The following ACAN variants were observed in gnomAD, a reference collection of about 807,000 sequenced individuals.
The protein encoded by ACAN is aggrecan, also known as aggrecan core protein.
Under a neutral mutation model 169.1 loss-of-function variants are expected in ACAN, and 47 were observed. That is an observed-to-expected ratio of 0.28 (90% CI 0.22 to 0.35). The LOEUF is 0.35. Ranked by LOEUF, ACAN falls within the 10% of genes least tolerant of loss-of-function variation. ACAN has a pLI of 1.00. For missense variants in ACAN, 2,716 were observed against 2,759.9 expected, an observed-to-expected ratio of 0.98 and a Z score of 0.36; for synonymous variants, 1,115 against 1,112.2, an observed-to-expected ratio of 1.00 and a Z score of -0.05.
chr15:88,845,680 C>G lies in ACAN; in HGVS notation c.1227C>G (p.Pro409=). 1 of 1,614,048 alleles carries G rather than the reference C, an allele frequency of 6.2e-7. No homozygotes were observed. The highest frequency in any genetic ancestry group is 8.5e-7 in the Non-Finnish European group (1 of 1,179,894). Residue 409 remains proline (P), a synonymous_variant, in exon 7 of 19, where the codon CCC becomes CCG. Coordinates refer to ENST00000560601, the MANE Select transcript of ACAN (RefSeq NM_001369268.1). The part of the protein sequence containing the change: ...LTVKPIFEVS[P]SPLEPEEPFT... ...TAAAGCCCATCTTCGAGGTCTCCCC[C>G]AGTCCCCTGGAACCCGAGGAGCCCT...
chr15:88,837,180 A>T (rs1456046932), intron 2 of ACAN, among the ~76,000 whole-genome samples: 1 of 152,144 alleles, frequency 6.6e-6, no homozygotes, highest in Admixed American at 6.5e-5. Flanking sequence ...GGCTGTTTGT[A>T]TGGGGTGTGG....
At chr15:88,841,962 TG>T in intron 5 of ACAN, 95 bp downstream of exon 5, 1 of 1,535,042 alleles carries the variant, frequency 6.5e-7, no homozygotes, top group Non-Finnish European at 8.9e-7. Context: ...TCACACAGGC[TG>T]CCAGCTCAGG....
intron 1 of ACAN, among the ~76,000 whole-genome samples, chr15:88,810,927 T>C (rs1009287808): frequency 2.0e-5 from 3 of 152,204 alleles, no homozygotes; most frequent in African/African-American, 7.2e-5. Context: ...ATCTTCTCTC[T>C]AGCCCTGCCT....
chr15:88,855,247 G>A lies in ACAN; in HGVS notation c.2662G>A (p.Gly888Arg), dbSNP rs796698770. 1.9e-6 allele frequency: 3 copies of A among 1,605,880 alleles called. No homozygotes were observed. In the African/African-American group the frequency reaches 4.0e-5, roughly 21 times the overall value. ...GHLDFSGQLSGDRASGLPSGD... is the reference protein window; with the variant it reads ...GHLDFSGQLSRDRASGLPSGD... ...CCTTGACTTCAGTGGGCAGCTGTCA[G>A]GGGACAGGGCAAGTGGACTGCCCTC... is the stretch of plus-strand genomic sequence containing the variant. The change falls in exon 12 of 19, where the codon GGG (glycine) becomes AGG (arginine). Residue 888 changes from glycine to arginine, a missense_variant. By Grantham distance (125) the Gly-to-Arg change is moderately radical (BLOSUM62 -2). Transcript: ENST00000560601.
chr15:88,839,990 T>TG lies in ACAN; in HGVS notation c.455-19dup. On this transcript the variant is annotated intron_variant, in intron 3 of 18. Transcript: ENST00000560601. The surrounding 1 kb of genome is among the most constrained non-coding windows in gnomAD (Gnocchi z 4.5). The stretch of plus-strand genomic sequence containing the variant: ...TGTGCCTGACCAGCTCTTCCGCTTG[T>TG]GGGCGTGTATGTGTCTTGCAGGCAT... 1 of 1,585,190 alleles carries TG rather than the reference T, an allele frequency of 6.3e-7. No individual in the cohort carries two copies. Among genetic ancestry groups the TG allele is most frequent in the Non-Finnish European group, 8.6e-7 (1 of 1,164,212 alleles).
Position 88,874,661 on chromosome 15 carries a change from A to C in ACAN, c.*180A>C. 2.9e-6 allele frequency: 2 copies of C among 695,366 alleles called. No homozygotes were observed. Among genetic ancestry groups the C allele is most frequent in the East Asian group, 2.8e-5 (1 of 35,892 alleles). 43.1% of individuals were successfully genotyped at this position (695,366 alleles called of 1,614,324 possible). On this transcript the variant is annotated 3_prime_UTR_variant, in exon 19 of 19. Coordinates refer to ENST00000560601, the MANE Select transcript of ACAN (RefSeq NM_001369268.1). This position sits in a 1 kb window ranked among gnomAD's most constrained non-coding sequence, Gnocchi z 7.3. The stretch of plus-strand genomic sequence containing the variant: ...CCCACTCACCCCTCCAAATCAGCAA[A>C]ACCGCATCTAATTTGTCCGCCGAAT...
At chr15:88,864,191 A>T (rs145469742) in intron 13 of ACAN, among the ~76,000 whole-genome samples, 1 of 152,336 alleles carries the variant, frequency 6.6e-6, no homozygotes, top group Non-Finnish European at 1.5e-5. Flanking sequence ...ATAAAGCAAG[A>T]TATTAAAGTT....
intron 1 of ACAN, among the ~76,000 whole-genome samples, chr15:88,808,915 C>T (rs917112429): frequency 2.0e-5 from 3 of 152,070 alleles, no homozygotes; most frequent in Admixed American, 6.5e-5. Context: ...AGTCCGAGCC[C>T]CCATGGTAAA....
chr15:88,849,053 A>G lies in ACAN; in HGVS notation c.1733-385A>G, dbSNP rs1189982289. ...GATAAGTGCAGTGGTGTAGGGGTGC[A>G]AAGGGATTGGAGGGGGCCCAGGCGA... On this transcript the variant is annotated intron_variant, in intron 9 of 18. Coordinates refer to ENST00000560601, the MANE Select transcript of ACAN (RefSeq NM_001369268.1). This position sits in a 1 kb window ranked among gnomAD's most constrained non-coding sequence, Gnocchi z 5.1. Among the ~76,000 whole-genome samples, 1 of 152,198 alleles carries G rather than the reference A, an allele frequency of 6.6e-6. No homozygotes were observed. The highest frequency in any genetic ancestry group is 1.5e-5 in the Non-Finnish European group (1 of 68,036).
chr15:88,839,100 C>T lies in ACAN; in HGVS notation c.454+54C>T, dbSNP rs2141564486. ...GCTTCACCCACATAAAGAACCAGAGCAGTCTCCGCAGTGCAGGCGCAGGCA... is the reference window on the plus strand; with the variant it reads ...GCTTCACCCACATAAAGAACCAGAGTAGTCTCCGCAGTGCAGGCGCAGGCA... On this transcript the variant is annotated intron_variant, in intron 3 of 18. Coordinates refer to ENST00000560601, the MANE Select transcript of ACAN (RefSeq NM_001369268.1). This position sits in a 1 kb window ranked among gnomAD's most constrained non-coding sequence, Gnocchi z 4.5. 5.1e-6 allele frequency: 8 copies of T among 1,578,648 alleles called. No individual in the cohort carries two copies. The highest frequency in any genetic ancestry group is 6.0e-6 in the Non-Finnish European group (7 of 1,169,120).
rs3784759 is a variant in ACAN, at chr15:88,839,813, T to G, written c.455-199T>G. On this transcript the variant is annotated intron_variant, in intron 3 of 18. Transcript: ENST00000560601. The surrounding 1 kb of genome is among the most constrained non-coding windows in gnomAD (Gnocchi z 4.5). ...CTTTAAAAAGGAATGCCTTATAAAGTAGTGAGCTCCCCATTACAGGGTGTT... is the reference window on the plus strand; with the variant it reads ...CTTTAAAAAGGAATGCCTTATAAAGGAGTGAGCTCCCCATTACAGGGTGTT... Among the ~76,000 whole-genome samples the G allele has an allele frequency of 6.6e-6, 1 of 152,124 alleles. No individual in the cohort carries two copies. Among genetic ancestry groups the G allele is most frequent in the Non-Finnish European group, 1.5e-5 (1 of 68,014 alleles).
chr15:88,812,297 AC>A (rs1449786753), intron 1 of ACAN, among the ~76,000 whole-genome samples: 5 of 151,276 alleles, frequency 3.3e-5, no homozygotes, highest in Non-Finnish European at 7.4e-5. Flanking sequence ...CAGGACTCCC[AC>A]CCCCTCCTAA....
intron 4 of ACAN, 64 bp from the exon 5 acceptor site, chr15:88,841,676 G>A: frequency 1.9e-6 from 3 of 1,598,902 alleles, no homozygotes; most frequent in Non-Finnish European, 2.6e-6. Flanking sequence ...AGGATTCAAA[G>A]GCAGAGGCCA....
chr15:88,848,085 G>A (rs1213749108), intron 9 of ACAN, 47 bp downstream of exon 9: 17 of 1,601,628 alleles, frequency 1.1e-5, no homozygotes, highest in Non-Finnish European at 1.5e-5. Context: ...GGCAGGGGGT[G>A]GGCAGGGAGC....
rs991599262 is a variant in ACAN, at chr15:88,838,565, T to G, written c.71-98T>G. The G allele has an allele frequency of 5.7e-6, 8 of 1,408,570 alleles. No individual in the cohort carries two copies. The African/African-American group carries it at 1.0e-4, about 18-fold the overall frequency. The allele number at this position is 1,408,570 out of a possible 1,614,324, so 87.3% of individuals were successfully genotyped here. On this transcript the variant is annotated intron_variant, in intron 2 of 18. Transcript: ENST00000560601. This position sits in a 1 kb window ranked among gnomAD's most constrained non-coding sequence, Gnocchi z 5.1. ...CAGACACACTCATCGGATTTCGCTC[T>G]CTCAGGAGAGTGCATTGCTGGAAGG...
intron 1 of ACAN, among the ~76,000 whole-genome samples, chr15:88,824,046 C>T (rs111545371): frequency 2.6e-5 from 4 of 152,086 alleles, no homozygotes; most frequent in Admixed American, 1.3e-4. Context: ...CAGTCCTGGC[C>T]GGGCGCAGTG....
chr15:88,868,406 A>G lies in ACAN; in HGVS notation c.7060+77A>G. The G allele has an allele frequency of 1.5e-6, 1 of 654,262 alleles. No individual in the cohort carries two copies. 40.5% of individuals were successfully genotyped at this position (654,262 alleles called of 1,614,324 possible). A position where few individuals can be genotyped will look rare whatever the true frequency, so the allele number is the denominator to read the frequency against. ...CCTCCCTCACCTTTCCCTCCTAACAACAGGCTCCAGGCCCTGGCTGGGGCC... is the reference window on the plus strand; with the variant it reads ...CCTCCCTCACCTTTCCCTCCTAACAGCAGGCTCCAGGCCCTGGCTGGGGCC... On this transcript the variant is annotated intron_variant, in intron 14 of 18. Coordinates refer to ENST00000560601, the MANE Select transcript of ACAN (RefSeq NM_001369268.1). This position sits in a 1 kb window ranked among gnomAD's most constrained non-coding sequence, Gnocchi z 5.2.
At chr15:88,808,002 C>T (rs768831235) in intron 1 of ACAN, among the ~76,000 whole-genome samples, 3 of 152,146 alleles carry the variant, frequency 2.0e-5, no homozygotes, top group Non-Finnish European at 4.4e-5. Context: ...AAAAAGGAGC[C>T]ACCTCTTCTG....
intron 12 of ACAN, 93 bp from the exon 13 acceptor site, chr15:88,860,233 C>G (rs1897166311): frequency 5.7e-6 from 5 of 878,312 alleles, no homozygotes; most frequent in Non-Finnish European, 8.7e-6. Context: ...TCGTGGACTT[C>G]AGGAACCTCA....
Sources: gnomAD v4.1 joint callset for allele counts (sites outside exome capture counted in the v4.1 genomes callset) on GRCh38, gnomAD v4.1.1 for gene constraint, Gnocchi (gnomAD v3.1) non-coding constraint, MANE v1.5 for transcripts, NCBI Gene and HGNC (gene_info 2026-07-23, HGNC 2026-07-21) for gene names.